The following DSC3 variants were observed in gnomAD, a reference collection of about 807,000 sequenced individuals.
The protein encoded by DSC3 is desmocollin 3.
Under a neutral mutation model 89.5 loss-of-function variants are expected in DSC3, and 97 were observed. That is an observed-to-expected ratio of 1.08 (90% CI 0.92 to 1.28). DSC3 has a LOEUF of 1.28. DSC3 is among the 50% of genes most tolerant of loss of function. The pLI is 0.00. For missense variants in DSC3, 1,199 were observed against 1,085.3 expected, an observed-to-expected ratio of 1.10 and a Z score of -1.47; for synonymous variants, 436 against 384.1, an observed-to-expected ratio of 1.14 and a Z score of -1.58.
rs762614096 is a variant in DSC3, at chr18:30,994,326, T to C, written c.2540A>G (p.Asp847Gly). 2 of 1,614,134 alleles carry C rather than the reference T, an allele frequency of 1.2e-6. No individual in the cohort carries two copies. The highest frequency in any genetic ancestry group is 1.6e-4 in the Middle Eastern group (1 of 6,062). The stretch of plus-strand genomic sequence containing the variant: ...CTCATAGTTATAAGTGAGGACATAA[T>C]CTTGGGATGGCATGCGGTCTTCATT... ...NQNEDRMPSQ[D>G]YVLTYNYEGR... Residue 847 changes from aspartate to glycine, a missense_variant, in exon 16 of 16, where the codon GAT (aspartate) becomes GGT (glycine). Physicochemically the swap from Asp to Gly is moderately conservative, Grantham distance 94 (BLOSUM62 -1). Coordinates refer to ENST00000360428, the MANE Select transcript of DSC3 (RefSeq NM_001941.5).
chr18:31,003,048 T>C (rs536734760), intron 13 of DSC3, among the ~76,000 whole-genome samples: 1 of 152,306 alleles, frequency 6.6e-6, no homozygotes, highest in East Asian at 1.9e-4. Flanking sequence ...CCAGACATAA[T>C]CACAAATTAG....
chr18:31,033,738 T>A (rs1311520520), intron 1 of DSC3, among the ~76,000 whole-genome samples: 1 of 152,234 alleles, frequency 6.6e-6, no homozygotes, highest in African/African-American at 2.4e-5. Context: ...TCTTAAATAA[T>A]GCTTATTCAA....
In DSC3 at chr18:31,026,931, T is replaced by C. The variant is rs77767376; in HGVS notation, c.475-1016A>G. Among the ~76,000 whole-genome samples the C allele has an allele frequency of 7.8e-3, 1,191 of 152,206 alleles. 20 individuals are homozygous for C. The highest frequency in any genetic ancestry group is 0.028 in the African/African-American group (1,151 of 41,558). On this transcript the variant is annotated intron_variant, in intron 4 of 15. Transcript: ENST00000360428. ...CATCTGGAACCTGCAGAGACAGCCATGCTAAAAAATAAAGAAACCTGGGTC... is the reference window on the plus strand; with the variant it reads ...CATCTGGAACCTGCAGAGACAGCCACGCTAAAAAATAAAGAAACCTGGGTC...
At chr18:30,999,910 G>A (rs1268964501) in intron 14 of DSC3, among the ~76,000 whole-genome samples, 2 of 152,102 alleles carry the variant, frequency 1.3e-5, no homozygotes, top group East Asian at 1.9e-4. Context: ...GGTACATATT[G>A]TGAAATGGCC....
At chr18:31,026,535 T>C (rs1330646348) in intron 4 of DSC3, among the ~76,000 whole-genome samples, 2 of 152,066 alleles carry the variant, frequency 1.3e-5, no homozygotes, top group East Asian at 3.9e-4. Context: ...GAAGAGACTG[T>C]AGTTAGTTAG....
intron 5 of DSC3, 113 bp from the exon 6 acceptor site, chr18:31,024,606 GT>G (rs1410092516): frequency 5.1e-6 from 6 of 1,185,212 alleles, no homozygotes; most frequent in Non-Finnish European, 7.0e-6. Flanking sequence ...CTACTTTGAA[GT>G]TTTTTTATCC....
rs532380046 is a variant in DSC3 at position 31,026,689 on chromosome 18, C to T, written c.475-774G>A. Reference sequence around the variant, plus strand: ...ACACTATGTCAGAGGGTGCTAGTATCTCTTAATATCTATTCTGCCCATCTT... The same window carrying T: ...ACACTATGTCAGAGGGTGCTAGTATTTCTTAATATCTATTCTGCCCATCTT... On this transcript the variant is annotated intron_variant, in intron 4 of 15. Transcript: ENST00000360428. Among the ~76,000 whole-genome samples the T allele has an allele frequency of 4.1e-3, 629 of 152,190 alleles. 3 individuals are homozygous for T. The highest frequency in any genetic ancestry group is 6.8e-3 in the Non-Finnish European group (462 of 67,964).
At chr18:31,022,563 G>C (rs1000192557) in intron 6 of DSC3, 61 bp from the exon 7 acceptor site, 29 of 1,564,750 alleles carry the variant, frequency 1.9e-5, no homozygotes, top group Non-Finnish European at 2.3e-5. Context: ...ACTTTCAAAA[G>C]TATCTACAAT....
At chr18:31,031,457 G>A (rs191661536) in intron 2 of DSC3, among the ~76,000 whole-genome samples, 1 of 151,884 alleles carries the variant, frequency 6.6e-6, no homozygotes, top group Admixed American at 6.6e-5. Flanking sequence ...TAAAGATGTG[G>A]GCATGTTATA....
rs1226487993 is a variant in DSC3, at chr18:31,042,633, C to T, written c.28G>A (p.Val10Met). ...AGATGCAGGCAGACGGCTCCGCGCA[C>T]GGAGCGCCGGGGCCCAGCGGCGGCC... is the stretch of plus-strand genomic sequence containing the variant. Reference protein sequence around the residue: MAAAGPRRSVRGAVCLHLLL... With the variant: MAAAGPRRSMRGAVCLHLLL... Residue 10 changes from valine (V) to methionine (M), a missense_variant, in exon 1 of 16, where the codon GTG becomes ATG. Transcript: ENST00000360428. The T allele has an allele frequency of 1.3e-6, 2 of 1,550,158 alleles. No homozygotes were observed. The highest frequency in any genetic ancestry group is 2.0e-5 in the Admixed American group (1 of 51,012).
In DSC3 at chr18:31,008,495, T is replaced by C. The variant is rs527584079; in HGVS notation, c.1294A>G (p.Asn432Asp). Residue 432 changes from asparagine to aspartate, a missense_variant, in exon 10 of 16, where the codon AAC becomes GAC. By Grantham distance (23) the Asn-to-Asp change is conservative. Transcript: ENST00000360428. Reference sequence around the variant, plus strand: ...TCATTGTTTACTCCAATTTCCAGGTTCACTTGACGGTTTTCTTCATAATTC... The same window carrying C: ...TCATTGTTTACTCCAATTTCCAGGTCCACTTGACGGTTTTCTTCATAATTC... Reference protein sequence around the residue: ...PLNYEENRQVNLEIGVNNEAP... With the variant: ...PLNYEENRQVDLEIGVNNEAP... The C allele has an allele frequency of 4.0e-5, 64 of 1,614,174 alleles. No homozygotes were observed. In the South Asian group the frequency reaches 6.6e-4, roughly 17 times the overall value.
rs746628333 is a variant in DSC3, at chr18:30,989,410, T to C, written c.*4765A>G. Among the ~76,000 whole-genome samples the C allele has an allele frequency of 3.9e-5, 6 of 152,012 alleles. No homozygotes were observed. Among genetic ancestry groups the C allele is most frequent in the Admixed American group, 6.5e-5 (1 of 15,274 alleles). ...TGAATGTCCAGAGTAGGCAAATCCA[T>C]AGAGACAGAAAAGATATCAGTGGTT... On this transcript the variant is annotated 3_prime_UTR_variant, in exon 16 of 16. Transcript: ENST00000360428.
At chr18:31,020,429 TA>T (rs1310026944) in intron 7 of DSC3, among the ~76,000 whole-genome samples, 1 of 152,094 alleles carries the variant, frequency 6.6e-6, no homozygotes, top group African/African-American at 2.4e-5. Flanking sequence ...GACAAGGACT[TA>T]AGGTTGCTGT....
rs1985125261 is a variant in DSC3, at chr18:31,013,132, C to T, written c.1264-4607G>A. Among the ~76,000 whole-genome samples, 3 of 152,090 alleles carry T rather than the reference C, an allele frequency of 2.0e-5. No individual in the cohort carries two copies. In the South Asian group the frequency reaches 6.2e-4, roughly 31 times the overall value. On this transcript the variant is annotated intron_variant, in intron 9 of 15. Transcript: ENST00000360428. ...TATTCTTAAATAGCTAGCAATAATA[C>T]AGCAGCATATAGATGCTAATTAATA...
rs1984231637 is a variant in DSC3 at position 30,991,267 on chromosome 18, A to G, written c.*2908T>C. On this transcript the variant is annotated 3_prime_UTR_variant, in exon 16 of 16. Coordinates refer to ENST00000360428, the MANE Select transcript of DSC3 (RefSeq NM_001941.5). Reference sequence around the variant, plus strand: ...TGCTTCCTTATAAAAGTAAGAAAAAACATTCTGTATATTTACATAAAAAAT... The same window carrying G: ...TGCTTCCTTATAAAAGTAAGAAAAAGCATTCTGTATATTTACATAAAAAAT... 1 of 152,652 alleles carries G rather than the reference A, an allele frequency of 6.6e-6. No individual in the cohort carries two copies. The highest frequency in any genetic ancestry group is 2.4e-5 in the African/African-American group (1 of 41,446). 9.5% of individuals were successfully genotyped at this position (152,652 alleles called of 1,614,324 possible).
chr18:31,005,423 C>T (rs1353996591), intron 12 of DSC3, among the ~76,000 whole-genome samples: 1 of 152,152 alleles, frequency 6.6e-6, no homozygotes, highest in African/African-American at 2.4e-5. Flanking sequence ...CTGGGAATGG[C>T]ATTGCCTTAT....
At chr18:30,999,188 A>C (rs1984572227) in intron 14 of DSC3, among the ~76,000 whole-genome samples, 2 of 152,176 alleles carry the variant, frequency 1.3e-5, no homozygotes, top group Admixed American at 1.3e-4. Context: ...CCTCCATTAC[A>C]TTCAGGTTCC....
chr18:31,032,313 T>TA (rs1439432493), intron 1 of DSC3, 37 bp from the exon 2 acceptor site: 1 of 1,476,862 alleles, frequency 6.8e-7, no homozygotes, highest in Non-Finnish European at 9.5e-7. Flanking sequence ...CAGTAGAAAA[T>TA]AAAGATTAAA....
chr18:31,032,320 T>TA (rs201289822), intron 1 of DSC3, 44 bp from the exon 2 acceptor site: 69 of 1,428,316 alleles, frequency 4.8e-5, no homozygotes, highest in East Asian at 6.9e-5. Context: ...AAATAAAGAT[T>TA]AAAAAAAACA....
Sources: gnomAD v4.1 joint callset for allele counts (sites outside exome capture counted in the v4.1 genomes callset) on GRCh38, gnomAD v4.1.1 for gene constraint, MANE v1.5 for transcripts, NCBI Gene and HGNC (gene_info 2026-07-23, HGNC 2026-07-21) for gene names.